RCAN2: variants seen among roughly 807,000 people sequenced by gnomAD.
RCAN2 encodes calcipressin-2.
RCAN2 carries 9 observed loss-of-function variants against 23.6 expected under a neutral mutation model. The observed-to-expected ratio is 0.38, with a 90% CI of 0.23 to 0.67. The LOEUF (loss-of-function observed/expected upper bound fraction) is 0.67, where lower values mean the gene tolerates loss of function less well. Ranked by LOEUF, RCAN2 falls within the 30% of genes least tolerant of loss-of-function variation. RCAN2 has a pLI of 0.51. For synonymous variants in RCAN2, 109 were observed against 115.7 expected, an observed-to-expected ratio of 0.94 and a Z score of 0.37; for missense variants, 273 against 302.3, an observed-to-expected ratio of 0.90 and a Z score of 0.72.
intron 2 of RCAN2, among the ~76,000 whole-genome samples, chr6:46,436,997 T>C (rs1024259748): frequency 2.0e-5 from 3 of 152,236 alleles, no homozygotes; most frequent in African/African-American, 7.2e-5. Context: ...CTGTTGTCTG[T>C]CATCTCCAGA....
intron 2 of RCAN2, among the ~76,000 whole-genome samples, chr6:46,274,907 G>A (rs1037918318): frequency 1.3e-5 from 2 of 152,204 alleles, no homozygotes; most frequent in African/African-American, 2.4e-5. Context: ...GGGTAACCAC[G>A]TGGCCTCTTA....
rs894499603 is a variant in RCAN2, at chr6:46,385,990, G to C, written c.225+70762C>G. The stretch of plus-strand genomic sequence containing the variant: ...AGATTTCATGATGAAAATGCCAAAA[G>C]CAATTGCAACACATGCAAAAATTGA... On this transcript the variant is annotated intron_variant, in intron 2 of 4. Coordinates refer to ENST00000371374, the MANE Select transcript of RCAN2 (RefSeq NM_001251974.2). Among the ~76,000 whole-genome samples, 3 of 151,108 alleles carry C rather than the reference G, an allele frequency of 2.0e-5. No homozygotes were observed. The South Asian group carries it at 6.3e-4, about 32-fold the overall frequency.
In RCAN2 at chr6:46,245,262, G is replaced by A. The variant is rs147736302; in HGVS notation, c.571+1486C>T. ...CTGAGTGATGTGATGGTGATTACAA[G>A]GAAACCTCCAGTGAGCTTGCTCTTG... On this transcript the variant is annotated intron_variant, in intron 4 of 4. Transcript: ENST00000371374. Among the ~76,000 whole-genome samples the A allele has an allele frequency of 4.0e-3, 606 of 152,278 alleles. 3 individuals carry two copies. Among genetic ancestry groups the A allele is most frequent in the South Asian group, 0.021 (102 of 4,820 alleles).
intron 4 of RCAN2, among the ~76,000 whole-genome samples, chr6:46,231,076 A>T (rs1765868737): frequency 1.3e-5 from 2 of 152,204 alleles, no homozygotes; most frequent in Admixed American, 1.3e-4. Flanking sequence ...ACTAACCTCT[A>T]GTAGCTGTGA....
intron 2 of RCAN2, among the ~76,000 whole-genome samples, chr6:46,372,009 C>T (rs1261695265): frequency 6.6e-6 from 1 of 152,100 alleles, no homozygotes; most frequent in African/African-American, 2.4e-5. Flanking sequence ...TGAACAGAAA[C>T]CAAATGGGCT....
At chr6:46,484,876 C>T (rs748085690) in intron 1 of RCAN2, among the ~76,000 whole-genome samples, 26 of 152,200 alleles carry the variant, frequency 1.7e-4, no homozygotes, top group Non-Finnish European at 2.1e-4. Flanking sequence ...AGGGTAGGGG[C>T]TATCTCTGGA....
chr6:46,239,680 G>C (rs769750068), intron 4 of RCAN2, among the ~76,000 whole-genome samples: 3 of 152,166 alleles, frequency 2.0e-5, no homozygotes, highest in Admixed American at 6.6e-5. Context: ...AGATGGGGAA[G>C]GGGGAGGATG....
intron 4 of RCAN2, among the ~76,000 whole-genome samples, chr6:46,229,139 G>A (rs1007069803): frequency 1.3e-5 from 2 of 152,208 alleles, no homozygotes; most frequent in African/African-American, 2.4e-5. Context: ...TGAGAGATCA[G>A]CTGTTAGTCT....
intron 2 of RCAN2, among the ~76,000 whole-genome samples, chr6:46,434,899 A>G (rs1250469932): frequency 6.6e-6 from 1 of 152,236 alleles, no homozygotes; most frequent in Non-Finnish European, 1.5e-5. Context: ...GCCCGCACAC[A>G]AAGAATTATC....
At chr6:46,456,652 T>C in intron 2 of RCAN2, 100 bp downstream of exon 2, 2 of 874,540 alleles carry the variant, frequency 2.3e-6, no homozygotes, top group South Asian at 3.3e-5. Flanking sequence ...AACTAAACAT[T>C]TCCAAAAACT....
At chr6:46,369,719 G>C (rs906959481) in intron 2 of RCAN2, among the ~76,000 whole-genome samples, 1 of 152,214 alleles carries the variant, frequency 6.6e-6, no homozygotes, top group Non-Finnish European at 1.5e-5. Flanking sequence ...AATCAGAAAA[G>C]TGATTAAGTC....
intron 1 of RCAN2, among the ~76,000 whole-genome samples, chr6:46,488,592 G>A: frequency 6.6e-6 from 1 of 152,180 alleles, no homozygotes; most frequent in East Asian, 1.9e-4. Context: ...ATCAGTAGAA[G>A]GTTAGCACCA....
intron 2 of RCAN2, among the ~76,000 whole-genome samples, chr6:46,411,298 G>A (rs547522164): frequency 7.3e-4 from 111 of 152,280 alleles, no homozygotes; most frequent in African/African-American, 2.4e-3. Flanking sequence ...CAAATTCAGA[G>A]ATAGAAAACA....
chr6:46,256,981 C>T (rs1480738207), intron 2 of RCAN2, among the ~76,000 whole-genome samples: 2 of 152,106 alleles, frequency 1.3e-5, no homozygotes, highest in African/African-American at 4.8e-5. Flanking sequence ...AAAGATGGGC[C>T]TGATCTAAAA....
At chr6:46,286,125 A>G (rs2150341937) in intron 2 of RCAN2, among the ~76,000 whole-genome samples, 1 of 152,348 alleles carries the variant, frequency 6.6e-6, no homozygotes, top group South Asian at 2.1e-4. Context: ...TTCTCCATGC[A>G]TAGTGAACTG....
chr6:46,368,184 T>A (rs1026695649), intron 2 of RCAN2, among the ~76,000 whole-genome samples: 6 of 152,218 alleles, frequency 3.9e-5, no homozygotes, highest in Non-Finnish European at 8.8e-5. Context: ...AATCAAGCTT[T>A]ATGTACAAAA....
At chr6:46,320,797 C>T (rs997389796) in intron 2 of RCAN2, among the ~76,000 whole-genome samples, 13 of 152,180 alleles carry the variant, frequency 8.5e-5, no homozygotes, top group African/African-American at 2.9e-4. Context: ...GCTGAAAACA[C>T]ACTTCTACTT....
intron 1 of RCAN2, among the ~76,000 whole-genome samples, chr6:46,487,226 T>C (rs576348629): frequency 4.6e-5 from 7 of 152,234 alleles, no homozygotes; most frequent in African/African-American, 1.4e-4. Flanking sequence ...AAAAGAAGAA[T>C]TGAAAACTCT....
At position 46,376,703 on chromosome 6, in the gene RCAN2, C is replaced by A. The variant is rs547219727; in HGVS notation, c.225+80049G>T. On this transcript the variant is annotated intron_variant, in intron 2 of 4. Transcript: ENST00000371374. ...AGTGAGACTCCACCTCAAAAAAAACCAAACAAACAAACAAAAAAAAAAAAC... is the reference window on the plus strand; with the variant it reads ...AGTGAGACTCCACCTCAAAAAAAACAAAACAAACAAACAAAAAAAAAAAAC... Among the ~76,000 whole-genome samples, 113 of 99,028 alleles carry A rather than the reference C, an allele frequency of 1.1e-3. 1 individual carries two copies. Among genetic ancestry groups the A allele is most frequent in the African/African-American group, 9.3e-3 (108 of 11,648 alleles). 65.0% of individuals were successfully genotyped at this position (99,028 alleles called of 152,430 possible).
Sources: allele counts gnomAD v4.1 joint callset (sites outside exome capture counted in the v4.1 genomes callset), GRCh38; gene constraint gnomAD v4.1.1; transcripts MANE v1.5; gene names NCBI Gene and HGNC (gene_info 2026-07-23, HGNC 2026-07-21).